The following KSR2 variants were observed in gnomAD, a reference collection of about 807,000 sequenced individuals.
KSR2 encodes kinase suppressor of ras 2.
In KSR2, 25 loss-of-function variants were observed where a neutral mutation model predicts 107.8. The ratio of observed to expected loss-of-function variants is 0.23; its 90% CI spans 0.17 to 0.32. The LOEUF (loss-of-function observed/expected upper bound fraction) is 0.32. Among genes scored for constraint, KSR2 ranks in the 10% least tolerant of loss-of-function variants. KSR2 has a pLI of 1.00. For missense variants in KSR2, 887 were observed against 1,268.9 expected, an observed-to-expected ratio of 0.70 and a Z score of 4.57; for synonymous variants, 480 against 507.0, an observed-to-expected ratio of 0.95 and a Z score of 0.71.
At chr12:117,844,571 A>G (rs962182924) in intron 3 of KSR2, among the ~76,000 whole-genome samples, 1 of 152,054 alleles carries the variant, frequency 6.6e-6, no homozygotes, top group African/African-American at 2.4e-5. Flanking sequence ...GAGATTGTGC[A>G]CAAGTTTGCT....
In KSR2 at chr12:117,822,216, C is replaced by T. The variant is rs560327472; in HGVS notation, c.472+33212G>A. 1.9e-4 allele frequency among the ~76,000 whole-genome samples: 29 copies of T among 152,166 alleles called. 2 individuals carry two copies. Among genetic ancestry groups the T allele is most frequent in the Admixed American group, 1.3e-4 (2 of 15,292 alleles). The stretch of plus-strand genomic sequence containing the variant: ...AGAAATAACCATAAAAATGGGCAAC[C>T]AGCAGCCCTTGGGGCTGCTCTGTCT... On this transcript the variant is annotated intron_variant, in intron 3 of 19. Transcript: ENST00000339824.
intron 3 of KSR2, among the ~76,000 whole-genome samples, chr12:117,767,369 G>A (rs1889276203): frequency 1.3e-5 from 2 of 151,196 alleles, no homozygotes; most frequent in Admixed American, 6.6e-5. Flanking sequence ...CCCGGGAGGC[G>A]GAGGTTGCAG....
chr12:117,871,404 C>T (rs1893645568), intron 1 of KSR2, among the ~76,000 whole-genome samples: 1 of 152,116 alleles, frequency 6.6e-6, no homozygotes, highest in Non-Finnish European at 1.5e-5. Flanking sequence ...GCCTGGACAA[C>T]ATGGTGAAAC....
At chr12:117,901,149 G>A (rs1274804631) in intron 1 of KSR2, among the ~76,000 whole-genome samples, 1 of 152,120 alleles carries the variant, frequency 6.6e-6, no homozygotes, top group Non-Finnish European at 1.5e-5. Flanking sequence ...ACACAAGTGA[G>A]GCACTCGGCT....
intron 3 of KSR2, among the ~76,000 whole-genome samples, chr12:117,777,097 T>TATATATATACACACACC (rs1593226082): frequency 9.4e-6 from 1 of 106,436 alleles, no homozygotes; most frequent in East Asian, 5.0e-4. Flanking sequence ...TTTATATATA[T>TATATATATACACACACC]ATATATATAT....
chr12:117,697,280 G>T (rs1886107238), intron 4 of KSR2, among the ~76,000 whole-genome samples: 1 of 152,148 alleles, frequency 6.6e-6, no homozygotes, highest in African/African-American at 2.4e-5. Flanking sequence ...AGTATAGGAA[G>T]GTACATATTG....
In KSR2 at chr12:117,791,872, G is replaced by A. The variant is rs372614201; in HGVS notation, c.473-30348C>T. ...AACTAAACGTACTCTGTGTATTTTA[G>A]AACCAGAAACTTCTCTTCTACTTCT... On this transcript the variant is annotated intron_variant, in intron 3 of 19. Coordinates refer to ENST00000339824, the MANE Select transcript of KSR2 (RefSeq NM_173598.6). Among the ~76,000 whole-genome samples, 38 of 152,288 alleles carry A rather than the reference G, an allele frequency of 2.5e-4. No homozygotes were observed. In the East Asian group the frequency reaches 6.9e-3, roughly 28 times the overall value.
At chr12:117,942,001 G>A (rs1326038903) in intron 1 of KSR2, among the ~76,000 whole-genome samples, 1 of 151,918 alleles carries the variant, frequency 6.6e-6, no homozygotes, top group Non-Finnish European at 1.5e-5. Flanking sequence ...GGGATCATTA[G>A]GCCATAGATG....
intron 4 of KSR2, among the ~76,000 whole-genome samples, chr12:117,693,811 T>C (rs548569386): frequency 6.6e-6 from 1 of 152,286 alleles, no homozygotes; most frequent in East Asian, 1.9e-4. Flanking sequence ...TACCTGCGGC[T>C]CACAGGGGAG....
chr12:117,484,317 C>A (rs1565867472), intron 16 of KSR2, 99 bp downstream of exon 16: 2 of 1,392,826 alleles, frequency 1.4e-6, no homozygotes, highest in African/African-American at 1.4e-5. Flanking sequence ...ACCTCAGGAC[C>A]AACCCTGAGT....
chr12:117,950,494 A>G (rs1896329631), intron 1 of KSR2, among the ~76,000 whole-genome samples: 1 of 151,980 alleles, frequency 6.6e-6, no homozygotes, highest in Non-Finnish European at 1.5e-5. Flanking sequence ...TAGCACTTTG[A>G]GAGGCTGAGG....
chr12:117,743,110 C>T (rs1262334945), intron 4 of KSR2, among the ~76,000 whole-genome samples: 2 of 152,246 alleles, frequency 1.3e-5, no homozygotes, highest in Non-Finnish European at 2.9e-5. Flanking sequence ...AGGCCAAGGG[C>T]CTGCTGCTCC....
At chr12:117,469,417 G>T in intron 19 of KSR2, among the ~76,000 whole-genome samples, 1 of 152,164 alleles carries the variant, frequency 6.6e-6, no homozygotes, top group Non-Finnish European at 1.5e-5. Context: ...TCATCAGGAA[G>T]AGATAAGCAA....
intron 7 of KSR2, among the ~76,000 whole-genome samples, chr12:117,570,404 C>T (rs913221337): frequency 1.1e-4 from 17 of 152,118 alleles, no homozygotes; most frequent in African/African-American, 4.1e-4. Context: ...ACAGCCCCCA[C>T]AACAAAGAAT....
At chr12:117,691,383 G>T (rs1218622559) in intron 4 of KSR2, among the ~76,000 whole-genome samples, 2 of 152,154 alleles carry the variant, frequency 1.3e-5, no homozygotes, top group African/African-American at 4.8e-5. Context: ...CTCGCCTTGA[G>T]CCACAGCCAC....
At chr12:117,564,514 A>G (rs1268656251) in intron 7 of KSR2, among the ~76,000 whole-genome samples, 1 of 152,206 alleles carries the variant, frequency 6.6e-6, no homozygotes, top group Non-Finnish European at 1.5e-5. Context: ...CATGGCAAAT[A>G]GTTAACTTCT....
In KSR2 at chr12:117,761,250, G is replaced by A; in HGVS notation, c.747C>T (p.Pro249=). 6.5e-7 allele frequency: 1 copy of A among 1,538,814 alleles called. No individual in the cohort carries two copies. Among genetic ancestry groups the A allele is most frequent in the Non-Finnish European group, 8.7e-7 (1 of 1,145,108 alleles). Residue 249 remains proline, a synonymous_variant, in exon 4 of 20, where the codon CCC becomes CCT. Transcript: ENST00000339824. Reference sequence around the variant, plus strand: ...CCGCGTGCCGCTGCCGGGGCGATGGGGGCAGGGAACGGTGGCCCGACTCCA... The same window carrying A: ...CCGCGTGCCGCTGCCGGGGCGATGGAGGCAGGGAACGGTGGCCCGACTCCA... ...PPLESGHRSL[P]PSPRQRHAVR... is the part of the protein sequence containing the mutation.
intron 1 of KSR2, among the ~76,000 whole-genome samples, chr12:117,887,844 AC>A (rs1453503362): frequency 5.3e-5 from 8 of 152,148 alleles, no homozygotes; most frequent in East Asian, 1.9e-4. Context: ...TCCACTGGCC[AC>A]CCCTCATATC....
intron 3 of KSR2, among the ~76,000 whole-genome samples, chr12:117,793,596 T>A (rs528033419): frequency 1.1e-5 from 1 of 94,148 alleles, no homozygotes; most frequent in Non-Finnish European, 2.0e-5. Flanking sequence ...TATGCACACA[T>A]ACACCAACAT....
Sources: allele counts gnomAD v4.1 joint callset (sites outside exome capture counted in the v4.1 genomes callset), GRCh38; gene constraint gnomAD v4.1.1; transcripts MANE v1.5; gene names NCBI Gene and HGNC (gene_info 2026-07-23, HGNC 2026-07-21).